Variants in FRAS1 observed in about 807,000 individuals in gnomAD.
FRAS1 encodes Fraser extracellular matrix complex subunit 1, also known as extracellular matrix organizing protein FRAS1.
In FRAS1, 290 loss-of-function variants were observed where a neutral mutation model predicts 435.2. The observed-to-expected ratio is 0.67, with a 90% CI of 0.61 to 0.73. The LOEUF is 0.73. Among genes scored for constraint, FRAS1 ranks in the 30% least tolerant of loss-of-function variants. FRAS1 has a pLI of 0.00. For synonymous variants in FRAS1, 1,800 were observed against 1,851.0 expected, an observed-to-expected ratio of 0.97 and a Z score of 0.71; for missense variants, 4,860 against 5,001.5, an observed-to-expected ratio of 0.97 and a Z score of 0.85.
chr4:78,317,349 C>T lies in FRAS1; in HGVS notation c.1820-19C>T, dbSNP rs1243757111. On this transcript the variant is annotated intron_variant, in intron 16 of 73. Coordinates refer to ENST00000512123, the MANE Select transcript of FRAS1 (RefSeq NM_025074.7). ...TCACCCATGTCCCATGGCGTTCTCCCTCTCACTCTCTTCCTCAGTTTGTCA... is the reference window on the plus strand; with the variant it reads ...TCACCCATGTCCCATGGCGTTCTCCTTCTCACTCTCTTCCTCAGTTTGTCA... The T allele has an allele frequency of 6.2e-7, 1 of 1,613,442 alleles. No homozygotes were observed. Among genetic ancestry groups the T allele is most frequent in the African/African-American group, 1.3e-5 (1 of 74,884 alleles).
At chr4:78,309,802 G>A (rs553233945) in intron 15 of FRAS1, among the ~76,000 whole-genome samples, 1 of 152,276 alleles carries the variant, frequency 6.6e-6, no homozygotes, top group Admixed American at 6.5e-5. Flanking sequence ...GTAAATGAAA[G>A]GTTTGAATTG....
At chr4:78,532,371 A>T (rs900006397) in intron 70 of FRAS1, among the ~76,000 whole-genome samples, 2 of 152,154 alleles carry the variant, frequency 1.3e-5, no homozygotes, top group Admixed American at 6.6e-5. Context: ...GCCTTCCATG[A>T]CTGAGTTTCT....
intron 18 of FRAS1, among the ~76,000 whole-genome samples, chr4:78,319,897 G>T (rs972503102): frequency 3.3e-5 from 5 of 152,238 alleles, no homozygotes; most frequent in Non-Finnish European, 7.3e-5. Flanking sequence ...GAAGGATGCA[G>T]AATTGAAATG....
intron 2 of FRAS1, among the ~76,000 whole-genome samples, chr4:78,197,918 G>C (rs940767155): frequency 7.0e-6 from 1 of 143,490 alleles, no homozygotes; most frequent in Non-Finnish European, 1.5e-5. Flanking sequence ...TCCAGCCTGG[G>C]TGACAGAGTG....
At chr4:78,320,076 C>T (rs1729438305) in intron 18 of FRAS1, among the ~76,000 whole-genome samples, 1 of 152,186 alleles carries the variant, frequency 6.6e-6, no homozygotes, top group Admixed American at 6.5e-5. Flanking sequence ...CATCCATGTA[C>T]TCAGGTGTCC....
At chr4:78,070,109 T>A (rs1055216160) in intron 2 of FRAS1, among the ~76,000 whole-genome samples, 15 of 152,190 alleles carry the variant, frequency 9.9e-5, no homozygotes, top group Non-Finnish European at 1.8e-4. Flanking sequence ...CCTTCCCATT[T>A]AACTGAGGCT....
At chr4:78,114,619 G>T (rs1161314502) in intron 2 of FRAS1, among the ~76,000 whole-genome samples, 2 of 151,270 alleles carry the variant, frequency 1.3e-5, no homozygotes, top group Admixed American at 6.6e-5. Context: ...TCATGATTTG[G>T]CTCTCTGTTT....
At chr4:78,176,167 T>C (rs1453473920) in intron 2 of FRAS1, among the ~76,000 whole-genome samples, 1 of 152,212 alleles carries the variant, frequency 6.6e-6, no homozygotes, top group Non-Finnish European at 1.5e-5. Flanking sequence ...AGCTTCCTAT[T>C]ATATGTGAGA....
rs371686012 is a variant in FRAS1, at chr4:78,374,111, A to G, written c.3011A>G (p.Asn1004Ser). Residue 1004 changes from asparagine (N) to serine (S), a missense_variant and splice_region_variant, in exon 25 of 74, where the codon AAC (asparagine) becomes AGC (serine). Transcript: ENST00000512123. ...SFYQDSGLCK[N>S]CDSYCLQCQG... Reference sequence around the variant, plus strand: ...TGATGACTTGACTTTTGTCTTTCAGACTGTGACAGCTACTGTCTCCAGTGC... The same window carrying G: ...TGATGACTTGACTTTTGTCTTTCAGGCTGTGACAGCTACTGTCTCCAGTGC... 1 of 1,572,058 alleles carries G rather than the reference A, an allele frequency of 6.4e-7. No individual in the cohort carries two copies. The highest frequency in any genetic ancestry group is 1.2e-5 in the South Asian group (1 of 86,362).
intron 66 of FRAS1, among the ~76,000 whole-genome samples, chr4:78,518,522 T>TCA (rs1721290471): frequency 6.6e-6 from 1 of 150,526 alleles, no homozygotes; most frequent in Non-Finnish European, 1.5e-5. Flanking sequence ...AACTCCCCAT[T>TCA]CACACACACA....
At chr4:78,181,867 C>G in intron 2 of FRAS1, 1 of 1,611,964 alleles carries the variant, frequency 6.2e-7, no homozygotes, top group Non-Finnish European at 8.5e-7. Flanking sequence ...TGGAGTTGGT[C>G]TGGGCCGCCG....
At chr4:78,400,667 A>T in intron 29 of FRAS1, 67 bp from the exon 30 acceptor site, 1 of 1,459,018 alleles carries the variant, frequency 6.9e-7, no homozygotes, top group Non-Finnish European at 9.4e-7. Context: ...TGGATAACTT[A>T]TGTGTTTAAG....
intron 49 of FRAS1, among the ~76,000 whole-genome samples, chr4:78,465,191 A>G (rs1007250338): frequency 6.6e-6 from 1 of 152,206 alleles, no homozygotes; most frequent in African/African-American, 2.4e-5. Context: ...GCACTCATTG[A>G]TTGATTGATT....
chr4:78,441,143 A>G lies in FRAS1; in HGVS notation c.5530-19A>G, dbSNP rs1734641855. 1.9e-6 allele frequency: 3 copies of G among 1,612,944 alleles called. No homozygotes were observed. Among genetic ancestry groups the G allele is most frequent in the African/African-American group, 2.7e-5 (2 of 74,846 alleles). ...TATGTGAAATCACCAAGGACTCTCTATGTTCTTTTCTTTCTTAGGTTGATG... is the reference window on the plus strand; with the variant it reads ...TATGTGAAATCACCAAGGACTCTCTGTGTTCTTTTCTTTCTTAGGTTGATG... On this transcript the variant is annotated intron_variant, in intron 40 of 73. Transcript: ENST00000512123.
Position 78,429,148 on chromosome 4 carries a change from C to A in FRAS1, c.4765C>A (p.Pro1589Thr), listed in dbSNP as rs1488612337. 6.3e-7 allele frequency: 1 copy of A among 1,587,380 alleles called. No individual in the cohort carries two copies. Among genetic ancestry groups the A allele is most frequent in the Non-Finnish European group, 8.6e-7 (1 of 1,166,842 alleles). The change falls in exon 36 of 74, where the codon CCC (proline) becomes ACC (threonine). Residue 1589 changes from proline to threonine, a missense_variant. Coordinates refer to ENST00000512123, the MANE Select transcript of FRAS1 (RefSeq NM_025074.7). ...PEMVLTIHLL[P>T]SDQQLPVFQV... ...GATGGTCCTCACCATTCACTTACTTCCCAGTGATCAGCAACTGCCAGTGTT... is the reference window on the plus strand; with the variant it reads ...GATGGTCCTCACCATTCACTTACTTACCAGTGATCAGCAACTGCCAGTGTT...
At chr4:78,245,354 C>CTG in intron 4 of FRAS1, 29 bp downstream of exon 4, 1 of 1,427,944 alleles carries the variant, frequency 7.0e-7, no homozygotes, top group Non-Finnish European at 9.8e-7. Context: ...ACGGTTGATT[C>CTG]TGTGTCTGCA....
At position 78,140,730 on chromosome 4, in the gene FRAS1, CGTGTGTGTATATGTATATACGT is replaced by C. The variant is rs560573048; in HGVS notation, c.108+74721_108+74742del. 1.5e-4 allele frequency among the ~76,000 whole-genome samples: 21 copies of C among 143,472 alleles called. 1 individual carries two copies. The highest frequency in any genetic ancestry group is 5.6e-4 in the African/African-American group (20 of 35,914). The allele number at this position is 143,472 out of a possible 152,430, so 94.1% of individuals were successfully genotyped here. A position where few individuals can be genotyped will look rare whatever the true frequency, so the allele number is the denominator to read the frequency against. ...ATATACGTGTGTGTATATGTATATA[CGTGTGTGTATATGTATATACGT>C]GTGTGTATATGTATATACGTGTGTG... On this transcript the variant is annotated intron_variant, in intron 2 of 73. Coordinates refer to ENST00000512123, the MANE Select transcript of FRAS1 (RefSeq NM_025074.7).
chr4:78,175,355 T>TAAGGAG (rs1721722912), intron 2 of FRAS1, among the ~76,000 whole-genome samples: 1 of 152,216 alleles, frequency 6.6e-6, no homozygotes, highest in African/African-American at 2.4e-5. Context: ...TTTCTCTGGG[T>TAAGGAG]GGCAACATCT....
At chr4:78,314,342 C>T (rs1212817798) in intron 15 of FRAS1, among the ~76,000 whole-genome samples, 4 of 152,086 alleles carry the variant, frequency 2.6e-5, no homozygotes, top group South Asian at 2.1e-4. Context: ...ACTCTGTGAG[C>T]GACATCACTT....
Sources: gnomAD v4.1 joint callset for allele counts (sites outside exome capture counted in the v4.1 genomes callset) on GRCh38, gnomAD v4.1.1 for gene constraint, MANE v1.5 for transcripts, NCBI Gene and HGNC (gene_info 2026-07-23, HGNC 2026-07-21) for gene names.